CCNI: variants seen among roughly 807,000 people sequenced by gnomAD.
CCNI encodes the protein cyclin I.
CCNI carries 14 observed loss-of-function variants against 34.1 expected under a neutral mutation model. That is an observed-to-expected ratio of 0.41 (90% CI 0.27 to 0.64). The LOEUF is 0.64. Among genes scored for constraint, CCNI ranks in the 30% least tolerant of loss-of-function variants. CCNI has a pLI of 0.31. For synonymous variants in CCNI, 154 were observed against 158.4 expected (o/e 0.97, Z 0.21); for missense variants, 385 against 440.5 (o/e 0.87, Z 1.13).
At position 77,075,838 on chromosome 4, in the gene CCNI, CGGGGAAAGCGCCTCCGA is replaced by C. The variant is rs1232634335; in HGVS notation, c.-427_-411del. ...GGGTGAGACCGGCTCTGCCCCTGCCCGGGGAAAGCGCCTCCGAGGGGAAATGGTGAAAGGGGGGGAGG... is the reference window on the plus strand; with the variant it reads ...GGGTGAGACCGGCTCTGCCCCTGCCCGGGGAAATGGTGAAAGGGGGGGAGG... On this transcript the variant is annotated 5_prime_UTR_variant, in exon 1 of 7. Coordinates refer to ENST00000237654, the MANE Select transcript of CCNI (RefSeq NM_006835.3). The C allele has an allele frequency of 2.2e-5, 3 of 138,648 alleles. No individual in the cohort carries two copies. In the Admixed American group the frequency reaches 2.3e-4, roughly 11 times the overall value. The allele number at this position is 138,648 out of a possible 1,614,324, so 8.6% of individuals were successfully genotyped here.
At chr4:77,064,585 G>GCGCTCACACA (rs375436623) in intron 2 of CCNI, 1 of 143,034 alleles carries the variant, frequency 7.0e-6, no homozygotes, top group African/African-American at 2.6e-5. Context: ...GCGCGCGCGC[G>GCGCTCACACA]CACACACACA....
Position 77,075,639 on chromosome 4 carries a change from C to T in CCNI, c.-211G>A, listed in dbSNP as rs1729889234. The T allele has an allele frequency of 3.4e-5, 30 of 882,568 alleles. 1 individual carries two copies. The South Asian group carries it at 6.2e-4, about 18-fold the overall frequency. 54.7% of individuals were successfully genotyped at this position (882,568 alleles called of 1,614,324 possible). On this transcript the variant is annotated 5_prime_UTR_variant, in exon 1 of 7. Transcript: ENST00000237654. The stretch of plus-strand genomic sequence containing the variant: ...GAGGAGGGAGAAAGGGGAAGCGGAT[C>T]GGGGGGCGCGGGCGCGGGCGCTGGC...
chr4:77,070,979 CTT>C (rs1729422010), intron 1 of CCNI, among the ~76,000 whole-genome samples: 2 of 152,324 alleles, frequency 1.3e-5, no homozygotes, highest in South Asian at 2.1e-4. Flanking sequence ...AACCTTAAAA[CTT>C]TAATAATTCT....
chr4:77,053,996 C>T (rs1215890624), intron 6 of CCNI, among the ~76,000 whole-genome samples: 1 of 152,136 alleles, frequency 6.6e-6, no homozygotes, highest in East Asian at 1.9e-4. Flanking sequence ...ATAGGTAGAT[C>T]TCTAGCTAAC....
At position 77,055,136 on chromosome 4, in the gene CCNI, A is replaced by G. The variant is rs777646581; in HGVS notation, c.690+14T>C. On this transcript the variant is annotated intron_variant, in intron 6 of 6. Coordinates refer to ENST00000237654, the MANE Select transcript of CCNI (RefSeq NM_006835.3). Reference sequence around the variant, plus strand: ...AACTTAAAAAGAACACTATTTAATTAGACTGACACCTACCTGTGCTTTCTG... The same window carrying G: ...AACTTAAAAAGAACACTATTTAATTGGACTGACACCTACCTGTGCTTTCTG... 5 of 1,539,216 alleles carry G rather than the reference A, an allele frequency of 3.2e-6. No homozygotes were observed. Among genetic ancestry groups the G allele is most frequent in the South Asian group, 1.1e-5 (1 of 89,270 alleles).
intron 1 of CCNI, among the ~76,000 whole-genome samples, chr4:77,067,278 T>C (rs185641576): frequency 7.9e-5 from 12 of 152,092 alleles, no homozygotes; most frequent in Non-Finnish European, 1.6e-4. Context: ...TCAGTCACAA[T>C]AGCCTTACTT....
intron 3 of CCNI, 118 bp downstream of exon 3, chr4:77,058,389 C>T: frequency 1.5e-6 from 1 of 673,440 alleles, no homozygotes; most frequent in Non-Finnish European, 2.5e-6. Flanking sequence ...GTACATACAT[C>T]ATTCTCCAGC....
intron 6 of CCNI, among the ~76,000 whole-genome samples, chr4:77,054,768 C>G (rs910881067): frequency 6.6e-6 from 1 of 152,102 alleles, no homozygotes; most frequent in Admixed American, 6.5e-5. Context: ...GTCTAAAAAG[C>G]AACTTATTCT....
intron 2 of CCNI, among the ~76,000 whole-genome samples, chr4:77,062,066 G>A (rs1331902087): frequency 6.6e-6 from 1 of 152,016 alleles, no homozygotes; most frequent in Non-Finnish European, 1.5e-5. Flanking sequence ...CCTTGCCCCT[G>A]GTATTTTACG....
chr4:77,068,585 G>A (rs981743849), intron 1 of CCNI, among the ~76,000 whole-genome samples: 4 of 152,178 alleles, frequency 2.6e-5, no homozygotes, highest in African/African-American at 2.4e-5. Flanking sequence ...AAGGCCTAGC[G>A]TAGGAGAATG....
At chr4:77,074,301 G>A (rs1416647617) in intron 1 of CCNI, among the ~76,000 whole-genome samples, 2 of 152,148 alleles carry the variant, frequency 1.3e-5, no homozygotes, top group East Asian at 3.8e-4. Flanking sequence ...ATTTCTAGTA[G>A]AGGGGCTCAG....
chr4:77,066,652 T>C (rs4252823), intron 1 of CCNI, among the ~76,000 whole-genome samples: 45 of 152,362 alleles, frequency 3.0e-4, no homozygotes, highest in African/African-American at 1.0e-3. Context: ...CTTTGGACTC[T>C]GATCAAAACA....
Position 77,055,927 on chromosome 4 carries a change from CAAAT to C in CCNI, c.459+31_459+34del, listed in dbSNP as rs747415555. 2.0e-5 allele frequency: 31 copies of C among 1,546,232 alleles called. No homozygotes were observed. The East Asian group carries it at 5.2e-4, about 26-fold the overall frequency. The stretch of plus-strand genomic sequence containing the variant: ...TTTAATTTACTGAAAACTACACACT[CAAAT>C]AAGAAACTAAAAGACTTCAGGTATA... On this transcript the variant is annotated intron_variant, in intron 5 of 6. Coordinates refer to ENST00000237654, the MANE Select transcript of CCNI (RefSeq NM_006835.3).
chr4:77,067,667 G>GTT (rs145214993), intron 1 of CCNI, among the ~76,000 whole-genome samples: 368 of 137,760 alleles, frequency 2.7e-3, no homozygotes, highest in African/African-American at 8.9e-3. Context: ...ATTTTGTGGG[G>GTT]TTTTTTTTTT....
At chr4:77,051,826 A>G (rs1727860295) in intron 6 of CCNI, among the ~76,000 whole-genome samples, 1 of 152,198 alleles carries the variant, frequency 6.6e-6, no homozygotes, top group Non-Finnish European at 1.5e-5. Flanking sequence ...TAAATGACAT[A>G]AATGGTAGGT....
At position 77,056,248 on chromosome 4, in the gene CCNI, C is replaced by T; in HGVS notation, c.318+1G>A. The T allele has an allele frequency of 6.2e-7, 1 of 1,610,738 alleles. No individual in the cohort carries two copies. The highest frequency in any genetic ancestry group is 8.5e-7 in the Non-Finnish European group (1 of 1,177,104). On this transcript the variant is annotated splice_donor_variant, in intron 4 of 6. Transcript: ENST00000237654. LOFTEE classifies it high-confidence loss of function. ...AACATTATCTTGAAAGGATTTATTA[C>T]CTCATCTTCCTCAACAGTCTTGGCA...
chr4:77,065,807 A>T (rs1447918702), intron 2 of CCNI, among the ~76,000 whole-genome samples: 1 of 152,206 alleles, frequency 6.6e-6, no homozygotes, highest in Non-Finnish European at 1.5e-5. Context: ...AGGAGTTTTT[A>T]AAAAAGAAGA....
intron 6 of CCNI, among the ~76,000 whole-genome samples, chr4:77,050,587 T>TC (rs1578231270): frequency 6.6e-6 from 1 of 152,144 alleles, no homozygotes; most frequent in African/African-American, 2.4e-5. Flanking sequence ...CTGATTTTTT[T>TC]CCCCTAGTTT....
chr4:77,049,777 A>T (rs191861635), intron 6 of CCNI, among the ~76,000 whole-genome samples: 1 of 152,120 alleles, frequency 6.6e-6, no homozygotes, highest in Non-Finnish European at 1.5e-5. Flanking sequence ...ATTATAGACT[A>T]CAAGACCAAA....
Sources: allele counts gnomAD v4.1 joint callset (sites outside exome capture counted in the v4.1 genomes callset), GRCh38; gene constraint gnomAD v4.1.1; transcripts MANE v1.5; gene names NCBI Gene and HGNC (gene_info 2026-07-23, HGNC 2026-07-21).